The following MARF1 variants were observed in gnomAD, a reference collection of about 807,000 sequenced individuals.
MARF1 encodes the protein meiosis regulator and mRNA stability factor 1.
In MARF1, 24 loss-of-function variants were observed where a neutral mutation model predicts 168.2. The observed-to-expected ratio is 0.14, with a 90% CI of 0.10 to 0.20. The LOEUF (loss-of-function observed/expected upper bound fraction) is 0.20, where lower values mean the gene tolerates loss of function less well. MARF1 is among the 10% of genes least tolerant of loss of function. The pLI is 1.00. For missense variants in MARF1, 1,744 were observed against 2,143.6 expected (o/e 0.81, Z 3.68); for synonymous variants, 868 against 822.4 (o/e 1.06, Z -0.95).
Position 15,596,115 on chromosome 16 carries a change from T to TA in MARF1, c.*577dup, listed in dbSNP as rs2031654244. 1.3e-5 allele frequency: 2 copies of TA among 152,650 alleles called. No individual in the cohort carries two copies. Among genetic ancestry groups the TA allele is most frequent in the African/African-American group, 4.8e-5 (2 of 41,438 alleles). The allele number at this position is 152,650 out of a possible 1,614,324, so 9.5% of individuals were successfully genotyped here. A position where few individuals can be genotyped will look rare whatever the true frequency, so the allele number is the denominator to read the frequency against. ...GTTTAAATAAAAAACAAGGCACACTTACAAGTCACATGGAAGCCAGGAACC... is the reference window on the plus strand; with the variant it reads ...GTTTAAATAAAAAACAAGGCACACTTAACAAGTCACATGGAAGCCAGGAACC... On this transcript the variant is annotated 3_prime_UTR_variant, in exon 27 of 27. Coordinates refer to ENST00000396368, the MANE Select transcript of MARF1 (RefSeq NM_014647.4).
chr16:15,632,343 T>G (rs2035306732), intron 5 of MARF1, among the ~76,000 whole-genome samples: 1 of 152,236 alleles, frequency 6.6e-6, no homozygotes, highest in African/African-American at 2.4e-5. Context: ...TGCAAGCTTG[T>G]GCAATCTGCC....
chr16:15,617,559 C>G (rs1055043070), intron 13 of MARF1, 24 bp from the exon 14 acceptor site: 6 of 1,524,700 alleles, frequency 3.9e-6, no homozygotes, highest in Middle Eastern at 2.2e-4. Flanking sequence ...AAGAGAGACG[C>G]TGACTTAGAA....
intron 1 of MARF1, among the ~76,000 whole-genome samples, chr16:15,639,779 C>T (rs995977353): frequency 4.6e-5 from 7 of 152,128 alleles, no homozygotes; most frequent in South Asian, 4.1e-4. Context: ...GAGCATATTA[C>T]GGGTTAATAA....
rs1270873340 is a variant in MARF1 at position 15,639,253 on chromosome 16, C to G, written c.-20G>C. The G allele has an allele frequency of 6.2e-7, 1 of 1,602,638 alleles. No individual in the cohort carries two copies. ...CATCATACAGCCATGCAAAGTGATT[C>G]AACATCCTTTCATCTTTCTTTTCTT... On this transcript the variant is annotated 5_prime_UTR_variant, in exon 2 of 27. The change abolishes the stop of an existing upstream ORF in the 5' untranslated region. Transcript: ENST00000396368.
Position 15,611,035 on chromosome 16 carries a change from C to G in MARF1, c.3691G>C (p.Asp1231His), listed in dbSNP as rs1322421248. Residue 1231 changes from aspartate (D) to histidine (H), a missense_variant, in exon 19 of 27, where the codon GAC becomes CAC. Coordinates refer to ENST00000396368, the MANE Select transcript of MARF1 (RefSeq NM_014647.4). Reference protein sequence around the residue: ...ELIDIVSEIPDTTICLSQQDN... With the variant: ...ELIDIVSEIPHTTICLSQQDN... ...TGTTGGGACAAGCAGATGGTTGTGT[C>G]TGGAATCTCTGATACGATGTCAATC... 1 of 1,613,774 alleles carries G rather than the reference C, an allele frequency of 6.2e-7. No individual in the cohort carries two copies. Among genetic ancestry groups the G allele is most frequent in the East Asian group, 2.2e-5 (1 of 44,884 alleles).
chr16:15,631,621 G>A, intron 5 of MARF1, 123 bp from the exon 6 acceptor site: 1 of 546,332 alleles, frequency 1.8e-6, no homozygotes, highest in Non-Finnish European at 3.2e-6. Context: ...TACATGTGCA[G>A]AACGTGCAGG....
At chr16:15,608,559 A>G (rs2033229728) in intron 20 of MARF1, 41 bp from the exon 21 acceptor site, 6 of 1,463,400 alleles carry the variant, frequency 4.1e-6, no homozygotes. Context: ...AAATAAACAA[A>G]TCACGGGTGT....
intron 19 of MARF1, 57 bp downstream of exon 19, chr16:15,610,918 T>C: frequency 6.5e-7 from 1 of 1,544,532 alleles, no homozygotes. Context: ...CATGCCACAC[T>C]ATGTTAAAAT....
chr16:15,606,010 A>C (rs1339481698), intron 21 of MARF1: 1 of 152,486 alleles, frequency 6.6e-6, no homozygotes, highest in African/African-American at 2.4e-5. Flanking sequence ...TCCTGTGTTC[A>C]ATTTCACTGC....
In MARF1 at chr16:15,599,169, A is replaced by C. The variant is rs572954096; in HGVS notation, c.4814-145T>G. The C allele has an allele frequency of 4.2e-4, 336 of 791,026 alleles. 3 individuals are homozygous for C. Among genetic ancestry groups the C allele is most frequent in the Admixed American group, 3.4e-3 (121 of 36,098 alleles). 49.0% of individuals were successfully genotyped at this position (791,026 alleles called of 1,614,324 possible). On this transcript the variant is annotated intron_variant, in intron 25 of 26. Coordinates refer to ENST00000396368, the MANE Select transcript of MARF1 (RefSeq NM_014647.4). ...TTTAAGGTATTAAAAAAAAAAAAAAAAAAAAACAAAAACCCAAAACCCACT... is the reference window on the plus strand; with the variant it reads ...TTTAAGGTATTAAAAAAAAAAAAAACAAAAAACAAAAACCCAAAACCCACT...
At chr16:15,602,508 CGAT>C (rs772768027) in intron 22 of MARF1, 39 of 469,954 alleles carry the variant, frequency 8.3e-5, no homozygotes, top group South Asian at 3.4e-4. Context: ...ACGAAGACGA[CGAT>C]GAAGAAGACG....
chr16:15,600,576 C>T (rs754319461), intron 24 of MARF1, 23 bp from the exon 25 acceptor site: 99 of 1,614,050 alleles, frequency 6.1e-5, no homozygotes, highest in Non-Finnish European at 7.8e-5. Context: ...GAGCACCCGT[C>T]AGAGAGAAAT....
rs773950522 is a variant in MARF1, at chr16:15,600,502, G to A, written c.4739C>T (p.Ser1580Leu). ...LSPANHENQPSEGERILEVPE... is the reference protein window; with the variant it reads ...LSPANHENQPLEGERILEVPE... Reference sequence around the variant, plus strand: ...CACCTCCAGGATGCGCTCGCCCTCCGAGGGCTGGTTTTCATGATTGGCAGG... The same window carrying A: ...CACCTCCAGGATGCGCTCGCCCTCCAAGGGCTGGTTTTCATGATTGGCAGG... Residue 1580 changes from serine (S) to leucine (L), a missense_variant, in exon 25 of 27, where the codon TCG becomes TTG. Ser to Leu is a moderately radical substitution (Grantham distance 145, BLOSUM62 -2). Around this residue, in one of 7 missense-constraint regions of MARF1, gnomAD observed 313 missense variants for 337.4 expected, o/e 0.93. Coordinates refer to ENST00000396368, the MANE Select transcript of MARF1 (RefSeq NM_014647.4). 23 of 1,614,060 alleles carry A rather than the reference G, an allele frequency of 1.4e-5. No homozygotes were observed. The East Asian group carries it at 1.8e-4, about 13-fold the overall frequency.
At chr16:15,638,663 T>A (rs950922089) in intron 2 of MARF1, among the ~76,000 whole-genome samples, 2 of 151,440 alleles carry the variant, frequency 1.3e-5, no homozygotes, top group African/African-American at 2.4e-5. Flanking sequence ...GAGAAGTAAA[T>A]ATTCAAGAGA....
intron 1 of MARF1, among the ~76,000 whole-genome samples, chr16:15,641,933 T>C (rs2036002090): frequency 6.6e-6 from 1 of 152,210 alleles, no homozygotes; most frequent in South Asian, 2.1e-4. Flanking sequence ...CTCCTTTCTG[T>C]CACTCTCTTC....
intron 16 of MARF1, among the ~76,000 whole-genome samples, chr16:15,613,556 G>C (rs1470678816): frequency 6.6e-6 from 1 of 151,878 alleles, no homozygotes; most frequent in Non-Finnish European, 1.5e-5. Context: ...CAGCTACTCA[G>C]GAGGCTGAGG....
At chr16:15,641,200 CCACT>C (rs1393784823) in intron 1 of MARF1, among the ~76,000 whole-genome samples, 2 of 152,128 alleles carry the variant, frequency 1.3e-5, no homozygotes, top group Non-Finnish European at 2.9e-5. Flanking sequence ...TAAATGAACC[CCACT>C]GTCTATTTTC....
Position 15,623,064 on chromosome 16 carries a change from G to C in MARF1, c.2330C>G (p.Ser777Trp). 5 of 1,610,682 alleles carry C rather than the reference G, an allele frequency of 3.1e-6. No homozygotes were observed. In the South Asian group the frequency reaches 4.4e-5, roughly 14 times the overall value. Residue 777 changes from serine (S) to tryptophan (W), a missense_variant, in exon 11 of 27, where the codon TCG (serine) becomes TGG (tryptophan). Ser to Trp is a radical substitution (Grantham distance 177, BLOSUM62 -3). Around this residue, in one of 7 missense-constraint regions of MARF1, gnomAD observed 270 missense variants for 260.6 expected, o/e 1.04. Coordinates refer to ENST00000396368, the MANE Select transcript of MARF1 (RefSeq NM_014647.4). ...ASPLAFNIAN[S>W]SSEADCPDPF... ...GTCTGGGCAGTCGGCTTCGCTGCTC[G>C]AATTTGCAATGTTGAAAGCAAGCGG...
At chr16:15,604,544 GGTTT>G (rs2032837061) in intron 21 of MARF1, 146 bp from the exon 22 acceptor site, 1 of 624,656 alleles carries the variant, frequency 1.6e-6, no homozygotes. Context: ...AAAGCAAGTG[GGTTT>G]GTTTTTAGCG....
Sources: gnomAD v4.1 joint callset for allele counts (sites outside exome capture counted in the v4.1 genomes callset) on GRCh38, gnomAD v4.1.1 for gene constraint, gnomAD v4.1.1 regional missense constraint, MANE v1.5 for transcripts, NCBI Gene and HGNC (gene_info 2026-07-23, HGNC 2026-07-21) for gene names.